XIRP2: variants seen among roughly 807,000 people sequenced by gnomAD.
XIRP2 encodes xin actin-binding repeat-containing protein 2.
In XIRP2, 236 loss-of-function variants were observed where a neutral mutation model predicts 277.0. The ratio of observed to expected loss-of-function variants is 0.85; its 90% confidence interval spans 0.77 to 0.95. The LOEUF is 0.95. Among genes scored for constraint, XIRP2 ranks in the 40% least tolerant of loss-of-function variants. XIRP2 has a pLI of 0.00. For synonymous variants in XIRP2, 1,490 were observed against 1,416.5 expected, an observed-to-expected ratio of 1.05 and a Z score of -1.17; for missense variants, 4,640 against 4,157.5, an observed-to-expected ratio of 1.12 and a Z score of -3.19.
At chr2:167,002,005 TG>T (rs1443384406) in intron 2 of XIRP2, among the ~76,000 whole-genome samples, 1 of 152,140 alleles carries the variant, frequency 6.6e-6, no homozygotes, top group African/African-American at 2.4e-5. Context: ...AATAATTATT[TG>T]GAAAAATATT....
intron 4 of XIRP2, among the ~76,000 whole-genome samples, chr2:167,216,799 C>G (rs1450334019): frequency 1.8e-5 from 2 of 108,512 alleles, no homozygotes; most frequent in Non-Finnish European, 3.4e-5. Flanking sequence ...ACCCAAATGA[C>G]TATAAATCAT....
At chr2:166,942,175 A>G (rs1685738402) in intron 2 of XIRP2, among the ~76,000 whole-genome samples, 1 of 152,224 alleles carries the variant, frequency 6.6e-6, no homozygotes, top group South Asian at 2.1e-4. Flanking sequence ...TAATGTTGCC[A>G]TAGGCCCATG....
At chr2:167,059,521 T>C (rs1316770059) in intron 2 of XIRP2, among the ~76,000 whole-genome samples, 1 of 147,714 alleles carries the variant, frequency 6.8e-6, no homozygotes, top group Non-Finnish European at 1.5e-5. Context: ...GCTTGGAAGA[T>C]ATCTCTGCAA....
chr2:167,244,081 CA>C lies in XIRP2; in HGVS notation c.2695del (p.Ile899SerfsTer37). The C allele has an allele frequency of 6.2e-7, 1 of 1,613,646 alleles. No individual in the cohort carries two copies. Among genetic ancestry groups the C allele is most frequent in the Non-Finnish European group, 8.5e-7 (1 of 1,179,874 alleles). On this transcript the variant is annotated frameshift_variant, in exon 9 of 11. Coordinates refer to ENST00000409195, the MANE Select transcript of XIRP2 (RefSeq NM_152381.6). LOFTEE classifies it high-confidence loss of function. Reference sequence around the variant, plus strand: ...AGACAGTCCTGATATAGGAAAGCTTCAAAAAATCACTGCCTCTGAAGAAGAA... The same window carrying C: ...AGACAGTCCTGATATAGGAAAGCTTCAAAAATCACTGCCTCTGAAGAAGAA... Reference protein sequence around the residue: ...LKDSPDIGKLQKITASEEEKG... With the variant: ...LKDSPDIGKLXKITASEEEKG...
intron 2 of XIRP2, among the ~76,000 whole-genome samples, chr2:167,052,836 T>C (rs1381630987): frequency 1.3e-5 from 2 of 152,188 alleles, no homozygotes; most frequent in African/African-American, 4.8e-5. Flanking sequence ...TTACCAGCCA[T>C]GAAAAAGTAT....
At chr2:166,977,477 A>G (rs1686745433) in intron 2 of XIRP2, among the ~76,000 whole-genome samples, 1 of 152,198 alleles carries the variant, frequency 6.6e-6, no homozygotes, top group Admixed American at 6.5e-5. Flanking sequence ...TTAAATATCC[A>G]TCATATCAAT....
chr2:167,012,414 T>C (rs1165307330), intron 2 of XIRP2, among the ~76,000 whole-genome samples: 1 of 151,718 alleles, frequency 6.6e-6, no homozygotes, highest in African/African-American at 2.4e-5. Flanking sequence ...CTGTCCTAAA[T>C]TTTGTAAAGG....
intron 2 of XIRP2, among the ~76,000 whole-genome samples, chr2:166,972,538 G>A (rs1295030917): frequency 1.3e-5 from 2 of 152,190 alleles, no homozygotes; most frequent in South Asian, 4.2e-4. Flanking sequence ...TGGACCCTGG[G>A]GAGGCACTGA....
At chr2:167,136,131 AAT>A (rs1691544903) in intron 3 of XIRP2, 69 bp downstream of exon 3, 3 of 1,397,328 alleles carry the variant, frequency 2.1e-6, no homozygotes, top group Non-Finnish European at 2.8e-6. Flanking sequence ...TAATAAATAA[AAT>A]ATATGAGGGG....
At chr2:167,185,905 T>G (rs749452045) in intron 3 of XIRP2, among the ~76,000 whole-genome samples, 4 of 152,180 alleles carry the variant, frequency 2.6e-5, no homozygotes, top group Non-Finnish European at 4.4e-5. Flanking sequence ...ATGAATAAAG[T>G]GAAGCTTAGA....
intron 1 of XIRP2, among the ~76,000 whole-genome samples, chr2:166,895,665 T>C (rs1431579308): frequency 2.6e-5 from 4 of 152,066 alleles, no homozygotes; most frequent in Non-Finnish European, 5.9e-5. Flanking sequence ...ATTAAATGAG[T>C]TTTGGAATTG....
intron 2 of XIRP2, among the ~76,000 whole-genome samples, chr2:166,984,113 T>G (rs1686940723): frequency 6.6e-6 from 1 of 152,128 alleles, no homozygotes; most frequent in African/African-American, 2.4e-5. Flanking sequence ...CTCTTACAAT[T>G]CCCATTCATT....
intron 2 of XIRP2, among the ~76,000 whole-genome samples, chr2:166,986,075 G>T (rs184568309): frequency 2.0e-5 from 3 of 152,294 alleles, no homozygotes; most frequent in South Asian, 2.1e-4. Context: ...TTGCAAGACC[G>T]CCTAGCTGCA....
intron 2 of XIRP2, among the ~76,000 whole-genome samples, chr2:166,982,828 A>G (rs1484661673): frequency 2.0e-5 from 3 of 152,164 alleles, no homozygotes; most frequent in African/African-American, 4.8e-5. Context: ...TCTACTGACT[A>G]TCCTATAATT....
chr2:167,009,104 G>A (rs1026994708), intron 2 of XIRP2, among the ~76,000 whole-genome samples: 1 of 151,354 alleles, frequency 6.6e-6, no homozygotes, highest in Non-Finnish European at 1.5e-5. Flanking sequence ...GGGTACATGT[G>A]CACAATGTGC....
At chr2:166,915,536 C>T (rs1684848425) in intron 2 of XIRP2, among the ~76,000 whole-genome samples, 1 of 152,046 alleles carries the variant, frequency 6.6e-6, no homozygotes, top group Non-Finnish European at 1.5e-5. Context: ...GTTCATCCTT[C>T]TTCTTTGAAG....
chr2:166,997,626 G>A (rs907501696), intron 2 of XIRP2, among the ~76,000 whole-genome samples: 3 of 152,060 alleles, frequency 2.0e-5, no homozygotes, highest in Non-Finnish European at 4.4e-5. Context: ...GACTTGGGGG[G>A]CCTGGCACAG....
At chr2:167,231,933 T>A (rs562274292) in intron 5 of XIRP2, among the ~76,000 whole-genome samples, 180 of 152,098 alleles carry the variant, frequency 1.2e-3, no homozygotes, top group Non-Finnish European at 9.3e-4. Context: ...TTACCAGATG[T>A]CTCTGCAACT....
At chr2:166,939,106 A>T (rs1359926722) in intron 2 of XIRP2, among the ~76,000 whole-genome samples, 1 of 152,074 alleles carries the variant, frequency 6.6e-6, no homozygotes, top group Non-Finnish European at 1.5e-5. Context: ...AGGTTAATAT[A>T]GTTATGTGTG....
Sources: allele counts gnomAD v4.1 joint callset (sites outside exome capture counted in the v4.1 genomes callset), GRCh38; gene constraint gnomAD v4.1.1; transcripts MANE v1.5; gene names NCBI Gene and HGNC (gene_info 2026-07-23, HGNC 2026-07-21).